FHAD1: variants seen among roughly 807,000 people sequenced by gnomAD.
FHAD1 encodes the protein forkhead-associated domain-containing protein 1.
FHAD1 carries 146 observed loss-of-function variants against 191.3 expected under a neutral mutation model. That is an observed-to-expected ratio of 0.76 (90% CI 0.67 to 0.88). The LOEUF (loss-of-function observed/expected upper bound fraction) is 0.88. Ranked by LOEUF, FHAD1 falls within the 40% of genes least tolerant of loss-of-function variation. The pLI is 0.00. For synonymous variants in FHAD1, 616 were observed against 672.3 expected (o/e 0.92, Z 1.29); for missense variants, 1,635 against 1,785.8 (o/e 0.92, Z 1.52).
chr1:15,327,153 C>T lies in FHAD1; in HGVS notation c.1557+11C>T, dbSNP rs370309523. The T allele has an allele frequency of 2.9e-4, 454 of 1,541,306 alleles. 3 individuals carry two copies. The African/African-American group carries it at 4.0e-3, about 14-fold the overall frequency. On this transcript the variant is annotated intron_variant, in intron 12 of 33. Transcript: ENST00000688493. The surrounding 1 kb of genome is among the most constrained non-coding windows in gnomAD (Gnocchi z 5.1). ...GTCACCGACCAACAGGTTAGTCTGCCGTCCCTGCCACGTGGCTCCTTCACT... is the reference window on the plus strand; with the variant it reads ...GTCACCGACCAACAGGTTAGTCTGCTGTCCCTGCCACGTGGCTCCTTCACT...
chr1:15,267,211 T>C (rs1465329040), intron 2 of FHAD1, among the ~76,000 whole-genome samples: 2 of 152,166 alleles, frequency 1.3e-5, no homozygotes, highest in Non-Finnish European at 1.5e-5. Context: ...AGAATATATC[T>C]CCCCATTTTT....
chr1:15,272,226 TGGC>T, intron 2 of FHAD1, 94 bp from the exon 3 acceptor site: 1 of 1,078,958 alleles, frequency 9.3e-7, no homozygotes, highest in South Asian at 1.5e-5. Context: ...CGTGATGATC[TGGC>T]GGCGGCAAAA....
intron 1 of FHAD1, among the ~76,000 whole-genome samples, chr1:15,250,058 G>C (rs1256719118): frequency 4.6e-5 from 7 of 152,180 alleles, no homozygotes; most frequent in Non-Finnish European, 1.0e-4. Flanking sequence ...TGATGATAGA[G>C]ATGATGATGA....
chr1:15,307,994 T>C (rs1671049814), intron 6 of FHAD1, among the ~76,000 whole-genome samples: 1 of 152,198 alleles, frequency 6.6e-6, no homozygotes, highest in Non-Finnish European at 1.5e-5. Flanking sequence ...CCTCCCAAAG[T>C]GCTGGGATTA....
At chr1:15,339,651 A>G in intron 15 of FHAD1, 100 bp downstream of exon 15, 1 of 420,746 alleles carries the variant, frequency 2.4e-6, no homozygotes, top group Non-Finnish European at 4.3e-6. Context: ...TTTATCAGCT[A>G]GTCCAGTCCA....
At chr1:15,307,733 T>C (rs1228941977) in intron 6 of FHAD1, among the ~76,000 whole-genome samples, 1 of 150,972 alleles carries the variant, frequency 6.6e-6, no homozygotes, top group Admixed American at 6.6e-5. Context: ...AACCTCTTTC[T>C]CTTTTTTTTT....
intron 4 of FHAD1, among the ~76,000 whole-genome samples, chr1:15,294,402 C>A (rs1391828597): frequency 6.6e-6 from 1 of 152,032 alleles, no homozygotes. Flanking sequence ...CTGTCCCGTG[C>A]ATTGTTTTTG....
intron 1 of FHAD1, among the ~76,000 whole-genome samples, chr1:15,240,415 G>A (rs992950419): frequency 6.6e-6 from 1 of 151,950 alleles, no homozygotes; most frequent in African/African-American, 2.4e-5. Context: ...GATCGCTTGA[G>A]CCCGGGAGTT....
At chr1:15,369,666 T>TAACCAGAGGTCACAGC (rs1478904194) in intron 26 of FHAD1, among the ~76,000 whole-genome samples, 164 bp downstream of exon 26, 1 of 152,256 alleles carries the variant, frequency 6.6e-6, no homozygotes, top group Non-Finnish European at 1.5e-5. Flanking sequence ...TTAGTCACAG[T>TAACCAGAGGTCACAGC]CACCAGAGGT....
intron 4 of FHAD1, among the ~76,000 whole-genome samples, chr1:15,292,321 TG>T (rs200437198): frequency 6.7e-6 from 1 of 148,304 alleles, no homozygotes; most frequent in Non-Finnish European, 1.5e-5. Context: ...CTAATTTTTG[TG>T]GGGTTTTTTT....
intron 24 of FHAD1, among the ~76,000 whole-genome samples, chr1:15,366,780 C>T (rs1445217590): frequency 6.6e-6 from 1 of 152,156 alleles, no homozygotes. Flanking sequence ...CAAACAATGC[C>T]GCCTTCATAT....
In FHAD1 at chr1:15,316,441, GAGAA is replaced by G; in HGVS notation, c.1238_1241del (p.Lys413SerfsTer2). ...TCACAGGGAGCTCAGGGAAGCCCAG[GAGAA>G]AGAGTTAAAACTCTGCAAAACCGTG... On this transcript the variant is annotated frameshift_variant, in exon 9 of 34. Transcript: ENST00000688493. LOFTEE classifies it high-confidence loss of function. The surrounding 1 kb of genome is among the most constrained non-coding windows in gnomAD (Gnocchi z 4.3). 1 of 1,551,674 alleles carries G rather than the reference GAGAA, an allele frequency of 6.4e-7. No individual in the cohort carries two copies. Among genetic ancestry groups the G allele is most frequent in the Non-Finnish European group, 8.7e-7 (1 of 1,146,994 alleles).
At chr1:15,302,337 C>A (rs1669074329) in intron 6 of FHAD1, among the ~76,000 whole-genome samples, 1 of 152,182 alleles carries the variant, frequency 6.6e-6, no homozygotes. Context: ...GGAATTTCAT[C>A]AAACAAAAAT....
intron 10 of FHAD1, among the ~76,000 whole-genome samples, chr1:15,319,507 T>C (rs559826043): frequency 4.3e-4 from 66 of 152,256 alleles, no homozygotes; most frequent in Middle Eastern, 3.4e-3. Flanking sequence ...ACGCCTGTAA[T>C]CCCAGCACTT....
chr1:15,372,912 G>T (rs1296233935), intron 26 of FHAD1, among the ~76,000 whole-genome samples: 2 of 152,036 alleles, frequency 1.3e-5, no homozygotes, highest in Non-Finnish European at 2.9e-5. Context: ...TCACCTTGTT[G>T]TCTGTCTGCC....
Position 15,327,249 on chromosome 1 carries a change from C to T in FHAD1, c.1557+107C>T. 1.4e-6 allele frequency: 1 copy of T among 702,126 alleles called. No homozygotes were observed. The highest frequency in any genetic ancestry group is 2.4e-6 in the Non-Finnish European group (1 of 414,758). 43.5% of individuals were successfully genotyped at this position (702,126 alleles called of 1,614,324 possible). A position where few individuals can be genotyped will look rare whatever the true frequency, so the allele number is the denominator to read the frequency against. Reference sequence around the variant, plus strand: ...CATATGTTTCTGTTTTTGTTGGTGGCATATTTTTCACACTGTTGCTACACC... The same window carrying T: ...CATATGTTTCTGTTTTTGTTGGTGGTATATTTTTCACACTGTTGCTACACC... On this transcript the variant is annotated intron_variant, in intron 12 of 33. Transcript: ENST00000688493. This position sits in a 1 kb window ranked among gnomAD's most constrained non-coding sequence, Gnocchi z 5.1.
In FHAD1 at chr1:15,316,666, C is replaced by A. The variant is rs1203688816; in HGVS notation, c.1260+199C>A. On this transcript the variant is annotated intron_variant, in intron 9 of 33. Transcript: ENST00000688493. The surrounding 1 kb of genome is among the most constrained non-coding windows in gnomAD (Gnocchi z 4.3). Reference sequence around the variant, plus strand: ...TGAAGGGGCCCCAGGATTCCCTGGGCAGTTGGCTCTAGCTCCCTCAAGGGT... The same window carrying A: ...TGAAGGGGCCCCAGGATTCCCTGGGAAGTTGGCTCTAGCTCCCTCAAGGGT... Among the ~76,000 whole-genome samples, 2 of 152,152 alleles carry A rather than the reference C, an allele frequency of 1.3e-5. No homozygotes were observed. The highest frequency in any genetic ancestry group is 4.8e-5 in the African/African-American group (2 of 41,424).
chr1:15,340,632 G>A (rs1469214166), intron 15 of FHAD1, among the ~76,000 whole-genome samples: 1 of 152,112 alleles, frequency 6.6e-6, no homozygotes, highest in African/African-American at 2.4e-5. Context: ...GTGTCTGGAG[G>A]CAAAATATGG....
At chr1:15,245,070 A>G (rs1263255331), upstream of FHAD1, among the ~76,000 whole-genome samples, 2 of 152,176 alleles carry the variant, frequency 1.3e-5, no homozygotes, top group Non-Finnish European at 2.9e-5. Context: ...CTTTCTAACA[A>G]TCAGCTCTTT....
Sources: gnomAD v4.1 joint callset for allele counts (sites outside exome capture counted in the v4.1 genomes callset) on GRCh38, gnomAD v4.1.1 for gene constraint, Gnocchi (gnomAD v3.1) non-coding constraint, MANE v1.5 for transcripts, NCBI Gene and HGNC (gene_info 2026-07-23, HGNC 2026-07-21) for gene names.